Variants in PEX1 observed in about 807,000 individuals in gnomAD.
PEX1 encodes the protein peroxisomal ATPase PEX1.
A neutral mutation model predicts 152.5 loss-of-function variants in PEX1; 97 were observed. The ratio of observed to expected loss-of-function variants is 0.64; its 90% CI spans 0.54 to 0.75. The LOEUF (loss-of-function observed/expected upper bound fraction) is 0.75. Ranked by LOEUF, PEX1 falls within the 30% of genes least tolerant of loss-of-function variation. PEX1 has a pLI of 0.00. For missense variants in PEX1, 1,357 were observed against 1,516.3 expected, an observed-to-expected ratio of 0.89 and a Z score of 1.74; for synonymous variants, 485 against 531.6, an observed-to-expected ratio of 0.91 and a Z score of 1.21.
chr7:92,504,994 T>C (rs1792118957), intron 11 of PEX1, 92 bp from the exon 12 acceptor site: 3 of 885,200 alleles, frequency 3.4e-6, no homozygotes, highest in Admixed American at 1.8e-5. Context: ...AAGCTCGATA[T>C]TGATTTAACT....
intron 5 of PEX1, among the ~76,000 whole-genome samples, chr7:92,516,917 GC>G: frequency 6.6e-6 from 1 of 152,278 alleles, no homozygotes; most frequent in East Asian, 1.9e-4. Context: ...AAATCTGCAA[GC>G]ATTAAAGATG....
chr7:92,503,406 G>A (rs1008588752), intron 12 of PEX1, among the ~76,000 whole-genome samples: 3 of 152,010 alleles, frequency 2.0e-5, no homozygotes, highest in Non-Finnish European at 4.4e-5. Flanking sequence ...AGACACAAGA[G>A]GTACTGCAAA....
At chr7:92,511,328 G>A (rs1792455951) in intron 7 of PEX1, among the ~76,000 whole-genome samples, 1 of 152,160 alleles carries the variant, frequency 6.6e-6, no homozygotes, top group Non-Finnish European at 1.5e-5. Flanking sequence ...GTTGCGCCAT[G>A]TTGGCAGGCT....
In PEX1 at chr7:92,505,412, CAAAAAA is replaced by C. The variant is rs11370289; in HGVS notation, c.1901-516_1901-511del. Among the ~76,000 whole-genome samples, 323 of 133,820 alleles carry C rather than the reference CAAAAAA, an allele frequency of 2.4e-3. 1 individual carries two copies. The highest frequency in any genetic ancestry group is 8.6e-3 in the African/African-American group (307 of 35,688). 87.8% of individuals were successfully genotyped at this position (133,820 alleles called of 152,430 possible). A position where few individuals can be genotyped will look rare whatever the true frequency, so the allele number is the denominator to read the frequency against. ...TGGGCTACAGAGCAAGACTCTGTCT[CAAAAAA>C]AAAAAAAAAGAAAAAAGAAAAGGAA... On this transcript the variant is annotated intron_variant, in intron 11 of 23. Coordinates refer to ENST00000248633, the MANE Select transcript of PEX1 (RefSeq NM_000466.3).
At chr7:92,509,210 G>T in intron 9 of PEX1, 119 bp downstream of exon 9, 1 of 701,978 alleles carries the variant, frequency 1.4e-6, no homozygotes, top group Non-Finnish European at 2.6e-6. Flanking sequence ...AATATCTACT[G>T]ATGCATTATT....
In PEX1 at chr7:92,527,883, G is replaced by A. The variant is rs577748204; in HGVS notation, c.129+424C>T. ...TCATGGGACGCGGTGCTTAGTCCCC[G>A]GGAACCGACAGGGGCTCCGCCAACA... On this transcript the variant is annotated intron_variant, in intron 1 of 23. Coordinates refer to ENST00000248633, the MANE Select transcript of PEX1 (RefSeq NM_000466.3). Among the ~76,000 whole-genome samples the A allele has an allele frequency of 2.2e-4, 33 of 152,346 alleles. No homozygotes were observed. The South Asian group carries it at 6.6e-3, about 31-fold the overall frequency.
intron 1 of PEX1, among the ~76,000 whole-genome samples, chr7:92,527,324 C>CTT (rs1793318975): frequency 6.6e-6 from 1 of 152,184 alleles, no homozygotes; most frequent in African/African-American, 2.4e-5. Flanking sequence ...ACTGAACCAA[C>CTT]TTCTACCTGG....
rs2116243438 is a variant in PEX1 at position 92,517,432 on chromosome 7, C to A, written c.1083G>T (p.Met361Ile). 1.9e-6 allele frequency: 3 copies of A among 1,613,898 alleles called. No individual in the cohort carries two copies. Among genetic ancestry groups the A allele is most frequent in the East Asian group, 4.5e-5 (2 of 44,860 alleles). ...NVLSPEKEKQ[M>I]SEPLDQKKIR... ...TTTTTTTTTGATCTAGTGGCTCTGA[C>A]ATCTGCTTCTCTTTTTCAGGTGATA... Residue 361 changes from methionine (M) to isoleucine (I), a missense_variant, in exon 5 of 24, where the codon ATG becomes ATT. By Grantham distance (10) the Met-to-Ile change is conservative (BLOSUM62 1). Transcript: ENST00000248633.
At chr7:92,506,119 G>A in intron 11 of PEX1, 129 bp downstream of exon 11, 1 of 147,030 alleles carries the variant, frequency 6.8e-6, no homozygotes. Context: ...AAATTTTAAT[G>A]ACTAAATGAT....
chr7:92,511,484 T>G, intron 7 of PEX1, 96 bp downstream of exon 7: 2 of 925,776 alleles, frequency 2.2e-6, no homozygotes, highest in South Asian at 2.8e-5. Context: ...ATTTCACTAT[T>G]CACATACTGT....
At chr7:92,504,666 T>C (rs1350790697) in intron 12 of PEX1, 66 bp downstream of exon 12, 12 of 1,440,714 alleles carry the variant, frequency 8.3e-6, no homozygotes, top group Non-Finnish European at 1.2e-5. Context: ...AGTAGATTTA[T>C]TGTTAAGACT....
intron 10 of PEX1, 151 bp downstream of exon 10, chr7:92,506,843 G>A: frequency 1.3e-6 from 1 of 740,770 alleles, no homozygotes; most frequent in African/African-American, 1.8e-5. Context: ...AGAAATATTA[G>A]TGAATAAATG....
intron 7 of PEX1, 121 bp downstream of exon 7, chr7:92,511,458 TA>T (rs1171455863): frequency 1.2e-6 from 1 of 820,410 alleles, no homozygotes; most frequent in African/African-American, 1.7e-5. Flanking sequence ...AACTACTGTT[TA>T]ATTATCATAA....
At chr7:92,506,712 T>A in intron 10 of PEX1, 1 of 512,528 alleles carries the variant, frequency 2.0e-6, no homozygotes, top group Non-Finnish European at 3.5e-6. Flanking sequence ...CTCAACCCTA[T>A]CAACACCTAA....
chr7:92,517,662 T>C lies in PEX1; in HGVS notation c.853A>G (p.Asn285Asp), dbSNP rs1407539383. ...NMQSKVVPLD[N>D]IFRVCKSQPP... The stretch of plus-strand genomic sequence containing the variant: ...TGAGATTTGCATACTCTGAAAATAT[T>C]GTCTAGAGGAACAACCTTTGACTGC... Residue 285 changes from asparagine (N) to aspartate (D), a missense_variant, in exon 5 of 24, where the codon AAT becomes GAT. Coordinates refer to ENST00000248633, the MANE Select transcript of PEX1 (RefSeq NM_000466.3). 2.5e-6 allele frequency: 4 copies of C among 1,613,890 alleles called. No individual in the cohort carries two copies. The African/African-American group carries it at 4.0e-5, about 16-fold the overall frequency.
At chr7:92,492,869 T>C (rs562660477) in intron 20 of PEX1, 84 bp downstream of exon 20, 16 of 1,044,226 alleles carry the variant, frequency 1.5e-5, no homozygotes, top group Middle Eastern at 2.0e-4. Context: ...GTTTAAAAAA[T>C]AGCATTTTTT....
At chr7:92,517,226 G>C (rs920511414) in intron 5 of PEX1, 50 bp downstream of exon 5, 2 of 1,298,252 alleles carry the variant, frequency 1.5e-6, no homozygotes, top group Non-Finnish European at 2.2e-6. Context: ...ATAATTTGGG[G>C]ATGTTTAAGC....
chr7:92,499,348 G>C (rs1791810817), intron 16 of PEX1, among the ~76,000 whole-genome samples: 1 of 152,172 alleles, frequency 6.6e-6, no homozygotes, highest in Non-Finnish European at 1.5e-5. Flanking sequence ...ACAAAGTATG[G>C]TAACATTATT....
At chr7:92,500,307 T>G (rs1392940602) in intron 15 of PEX1, among the ~76,000 whole-genome samples, 1 of 152,220 alleles carries the variant, frequency 6.6e-6, no homozygotes, top group Non-Finnish European at 1.5e-5. Flanking sequence ...GCACCACTGC[T>G]CAAGAACAAG....
Sources: allele counts gnomAD v4.1 joint callset (sites outside exome capture counted in the v4.1 genomes callset), GRCh38; gene constraint gnomAD v4.1.1; transcripts MANE v1.5; gene names NCBI Gene and HGNC (gene_info 2026-07-23, HGNC 2026-07-21).